Variants in ATP2B2 observed in about 807,000 individuals in gnomAD.
ATP2B2 encodes ATPase plasma membrane Ca2+ transporting 2.
In ATP2B2, 15 loss-of-function variants were observed where a neutral mutation model predicts 120.0. The ratio of observed to expected loss-of-function variants is 0.12; its 90% CI spans 0.08 to 0.19. The LOEUF is 0.19. Ranked by LOEUF, ATP2B2 falls within the 10% of genes least tolerant of loss-of-function variation. The pLI is 1.00. For synonymous variants in ATP2B2, 694 were observed against 700.3 expected (o/e 0.99, Z 0.14); for missense variants, 1,045 against 1,719.8 (o/e 0.61, Z 6.94).
chr3:10,347,852 C>T lies in ATP2B2; in HGVS notation c.2405-1715G>A, dbSNP rs1442107079. On this transcript the variant is annotated intron_variant, in intron 16 of 22. Coordinates refer to ENST00000360273, the MANE Select transcript of ATP2B2 (RefSeq NM_001001331.4). This position sits in a 1 kb window ranked among gnomAD's most constrained non-coding sequence, Gnocchi z 5.2. ...CCTGACTGTGTGCAGTCACCAGGGG[C>T]CTCCCTGTGGCTGCTTCCTATGGTC... Among the ~76,000 whole-genome samples the T allele has an allele frequency of 6.6e-6, 1 of 152,196 alleles. No individual in the cohort carries two copies. The highest frequency in any genetic ancestry group is 2.4e-5 in the African/African-American group (1 of 41,436).
At chr3:10,527,399 G>T (rs1290170599) in intron 3 of ATP2B2, among the ~76,000 whole-genome samples, 1 of 152,216 alleles carries the variant, frequency 6.6e-6, no homozygotes, top group Non-Finnish European at 1.5e-5. Context: ...GGACACCTGG[G>T]TGTCAGGATT....
intron 1 of ATP2B2, among the ~76,000 whole-genome samples, chr3:10,659,641 T>C (rs2070728894): frequency 6.6e-6 from 1 of 152,158 alleles, no homozygotes; most frequent in African/African-American, 2.4e-5. Flanking sequence ...CACACAATAA[T>C]AATGGGAGAC....
intron 1 of ATP2B2, among the ~76,000 whole-genome samples, chr3:10,689,610 A>G (rs963151018): frequency 2.0e-5 from 3 of 152,112 alleles, no homozygotes; most frequent in African/African-American, 7.2e-5. Context: ...AAAGGCCACA[A>G]CCTCAGGATA....
At position 10,700,941 on chromosome 3, in the gene ATP2B2, T is replaced by C. The variant is rs115719037; in HGVS notation, c.-460+6974A>G. 2.5e-3 allele frequency among the ~76,000 whole-genome samples: 376 copies of C among 151,990 alleles called. 1 individual carries two copies. The highest frequency in any genetic ancestry group is 8.4e-3 in the African/African-American group (351 of 41,548). ...AAAGCTTCCATCCAGAAATGACACA[T>C]GTCACTTTTCAAAGCTCATTGGCCA... On this transcript the variant is annotated intron_variant, in intron 1 of 21. Coordinates refer to the ATP2B2 transcript ENST00000646379.
intron 1 of ATP2B2, among the ~76,000 whole-genome samples, chr3:10,643,323 A>C (rs1451949560): frequency 6.6e-6 from 1 of 152,248 alleles, no homozygotes; most frequent in East Asian, 1.9e-4. Flanking sequence ...GGCCTGTTTG[A>C]TAAACGTGGA....
chr3:10,455,121 T>C (rs145628990), intron 1 of ATP2B2, among the ~76,000 whole-genome samples: 112 of 152,352 alleles, frequency 7.4e-4, no homozygotes, highest in South Asian at 1.7e-3. Context: ...TGACTTTAGA[T>C]AGGTCCTCAG....
upstream of ATP2B2, among the ~76,000 whole-genome samples, chr3:10,505,910 A>T (rs1450550243): frequency 6.6e-6 from 1 of 151,944 alleles, no homozygotes; most frequent in African/African-American, 2.4e-5. Context: ...CGCTCCCCAG[A>T]AGCAGGAGGG....
Position 10,470,868 on chromosome 3 carries a change from G to C in ATP2B2, c.-319-21006C>G, listed in dbSNP as rs142312835. Among the ~76,000 whole-genome samples the C allele has an allele frequency of 1.6e-3, 242 of 152,170 alleles. 1 individual carries two copies. The highest frequency in any genetic ancestry group is 5.6e-3 in the African/African-American group (231 of 41,516). On this transcript the variant is annotated intron_variant, in intron 1 of 22. Transcript: ENST00000360273. ...CTCAGTTCCCCCACCCCCATGTCTC[G>C]TAACCTGAGACAGGGACATGCAGGT...
chr3:10,543,370 G>T (rs889874854), intron 2 of ATP2B2, among the ~76,000 whole-genome samples: 4 of 152,090 alleles, frequency 2.6e-5, no homozygotes, highest in Non-Finnish European at 5.9e-5. Context: ...ATCTGAAAAG[G>T]CTATTAAAAT....
chr3:10,374,420 G>T (rs1035339066), intron 11 of ATP2B2, among the ~76,000 whole-genome samples: 2 of 152,198 alleles, frequency 1.3e-5, no homozygotes, highest in African/African-American at 4.8e-5. Context: ...TTTTCTGTAT[G>T]AAATTACATC....
intron 1 of ATP2B2, among the ~76,000 whole-genome samples, chr3:10,453,782 T>C (rs2064151229): frequency 6.6e-6 from 1 of 152,138 alleles, no homozygotes; most frequent in Admixed American, 6.5e-5. Flanking sequence ...CATGAGTTAG[T>C]GGGCTACTGT....
intron 1 of ATP2B2, among the ~76,000 whole-genome samples, chr3:10,484,883 T>C (rs1169865002): frequency 6.6e-6 from 1 of 152,252 alleles, no homozygotes; most frequent in African/African-American, 2.4e-5. Flanking sequence ...CGCAGATTCC[T>C]TCACAGTGCT....
intron 2 of ATP2B2, among the ~76,000 whole-genome samples, chr3:10,421,741 T>C (rs188911085): frequency 7.2e-4 from 110 of 152,284 alleles, no homozygotes; most frequent in Non-Finnish European, 1.3e-3. Context: ...CCTCTAGCCA[T>C]GCCACATTTA....
chr3:10,487,697 G>A (rs948371807), intron 1 of ATP2B2, among the ~76,000 whole-genome samples: 4 of 152,212 alleles, frequency 2.6e-5, no homozygotes, highest in African/African-American at 7.2e-5. Context: ...GTTAGACAGC[G>A]GGAAAGGAAA....
chr3:10,571,434 C>T (rs1178207297), intron 2 of ATP2B2, among the ~76,000 whole-genome samples: 1 of 152,190 alleles, frequency 6.6e-6, no homozygotes, highest in East Asian at 1.9e-4. Flanking sequence ...GCCTGGAGTC[C>T]CTAGAGGTAG....
At position 10,449,391 on chromosome 3, in the gene ATP2B2, C is replaced by T. The variant is rs114322661; in HGVS notation, c.153G>A (p.Gly51=). The T allele has an allele frequency of 2.6e-4, 424 of 1,614,216 alleles. No homozygotes were observed. Among genetic ancestry groups the T allele is most frequent in the Non-Finnish European group, 3.1e-4 (370 of 1,180,040 alleles). ...EAVVKIKETY[G]DTEAICRRLK... ...GGCGCCGGCAGATGGCTTCGGTGTC[C>T]CCATAAGTCTCCTTGATCTTGACCA... The change falls in exon 2 of 23, where the codon GGG becomes GGA. Residue 51 remains glycine, a synonymous_variant. Coordinates refer to ENST00000360273, the MANE Select transcript of ATP2B2 (RefSeq NM_001001331.4).
chr3:10,327,022 A>G lies in ATP2B2; in HGVS notation c.*1792T>C, dbSNP rs1367542029. 4 of 397,256 alleles carry G rather than the reference A, an allele frequency of 1.0e-5. No homozygotes were observed. The highest frequency in any genetic ancestry group is 8.8e-5 in the Admixed American group (2 of 22,702). The allele number at this position is 397,256 out of a possible 1,614,324, so 24.6% of individuals were successfully genotyped here. On this transcript the variant is annotated 3_prime_UTR_variant, in exon 23 of 23. Coordinates refer to ENST00000360273, the MANE Select transcript of ATP2B2 (RefSeq NM_001001331.4). ...CTCGAAGCATGGGACATCATCGATC[A>G]TGGTATTCAAAATGTCTTTTGCACT...
In ATP2B2 at chr3:10,326,623, C is replaced by T. The variant is rs979595509; in HGVS notation, c.*2191G>A. 7.5e-6 allele frequency: 3 copies of T among 398,382 alleles called. No individual in the cohort carries two copies. Among genetic ancestry groups the T allele is most frequent in the Non-Finnish European group, 1.3e-5 (3 of 226,038 alleles). The allele number at this position is 398,382 out of a possible 1,614,324, so 24.7% of individuals were successfully genotyped here. The stretch of plus-strand genomic sequence containing the variant: ...GAGAGCAGTGGGCTGGCTTTGGTGG[C>T]GTTTGTACTGGAATCCAATAAGCAC... On this transcript the variant is annotated 3_prime_UTR_variant, in exon 23 of 23. Coordinates refer to ENST00000360273, the MANE Select transcript of ATP2B2 (RefSeq NM_001001331.4).
At chr3:10,507,329 C>T (rs1462246941), upstream of ATP2B2, among the ~76,000 whole-genome samples, 1 of 152,126 alleles carries the variant, frequency 6.6e-6, no homozygotes, top group Non-Finnish European at 1.5e-5. Flanking sequence ...GAACTCTACC[C>T]CTCTTAGGGG....
Sources: allele counts gnomAD v4.1 joint callset (sites outside exome capture counted in the v4.1 genomes callset), GRCh38; gene constraint gnomAD v4.1.1; non-coding constraint Gnocchi (gnomAD v3.1); transcripts MANE v1.5; gene names NCBI Gene and HGNC (gene_info 2026-07-23, HGNC 2026-07-21).